The following COPS3 variants were observed in gnomAD, a reference collection of about 807,000 sequenced individuals.
The protein encoded by COPS3 is COP9 signalosome complex subunit 3.
A neutral mutation model predicts 58.2 loss-of-function variants in COPS3; 10 were observed. The ratio of observed to expected loss-of-function variants is 0.17; its 90% confidence interval spans 0.11 to 0.29. COPS3 has a LOEUF of 0.29. Ranked by LOEUF, COPS3 falls within the 10% of genes least tolerant of loss-of-function variation. The probability of loss-of-function intolerance (pLI) is 1.00; values close to 1 mark genes in which losing one functional copy is unlikely to be tolerated. For missense variants in COPS3, 333 were observed against 510.1 expected (o/e 0.65, Z 3.34); for synonymous variants, 187 against 181.7 (o/e 1.03, Z -0.24).
intron 6 of COPS3, among the ~76,000 whole-genome samples, chr17:17,263,600 G>A (rs1276766211): frequency 5.8e-5 from 8 of 138,328 alleles, no homozygotes; most frequent in Non-Finnish European, 1.1e-4. Context: ...TGCAACCTCC[G>A]CCTCTTGGGT....
intron 8 of COPS3, chr17:17,255,188 T>C: frequency 3.7e-6 from 1 of 267,658 alleles, no homozygotes; most frequent in Non-Finnish European, 7.1e-6. Flanking sequence ...TAGTCCCAGC[T>C]ACTTGGGAGG....
chr17:17,269,972 A>G (rs2048309344), intron 4 of COPS3, among the ~76,000 whole-genome samples: 1 of 152,160 alleles, frequency 6.6e-6, no homozygotes, highest in Non-Finnish European at 1.5e-5. Flanking sequence ...GCCTGGCAAC[A>G]TGGTGAAACC....
intron 8 of COPS3, among the ~76,000 whole-genome samples, chr17:17,257,494 G>A (rs1343884765): frequency 1.3e-5 from 2 of 151,886 alleles, no homozygotes; most frequent in Non-Finnish European, 2.9e-5. Context: ...CAGAGAAGAG[G>A]AACCTAGAAA....
chr17:17,267,834 A>G (rs766790275), intron 5 of COPS3, 51 bp downstream of exon 5: 2 of 1,579,734 alleles, frequency 1.3e-6, no homozygotes, highest in Admixed American at 3.5e-5. Context: ...GCAAGCCCAT[A>G]AACAACCTAC....
intron 7 of COPS3, chr17:17,261,485 C>T (rs2048099145): frequency 3.6e-6 from 1 of 277,330 alleles, no homozygotes; most frequent in African/African-American, 2.3e-5. Flanking sequence ...GAGATCACGC[C>T]ACTGCACTCC....
Position 17,260,430 on chromosome 17 carries a change from G to A in COPS3, c.807C>T (p.Thr269=). Residue 269 remains threonine (T), a synonymous_variant, in exon 8 of 12, where the codon ACC becomes ACT. Transcript: ENST00000268717. ...AYHELAQVYS[T]NNPSELRNLV... is the part of the protein sequence containing the mutation. ...GGTTTCGGAGTTCTGAGGGGTTGTTGGTTGAATACACTTGTGCTAACTCGT... is the reference window on the plus strand; with the variant it reads ...GGTTTCGGAGTTCTGAGGGGTTGTTAGTTGAATACACTTGTGCTAACTCGT... 1 of 1,614,124 alleles carries A rather than the reference G, an allele frequency of 6.2e-7. No homozygotes were observed. The highest frequency in any genetic ancestry group is 8.5e-7 in the Non-Finnish European group (1 of 1,180,024).
At chr17:17,255,000 T>A (rs1431601000) in intron 8 of COPS3, 55 bp from the exon 9 acceptor site, 6 of 1,288,504 alleles carry the variant, frequency 4.7e-6, no homozygotes, top group Non-Finnish European at 6.8e-6. Context: ...GAAGGACATT[T>A]TATTAAATGT....
intron 1 of COPS3, chr17:17,280,530 A>C: frequency 3.2e-6 from 4 of 1,244,262 alleles, no homozygotes; most frequent in Non-Finnish European, 4.2e-6. Context: ...ACTGCACTCC[A>C]GCCTCGGCTA....
chr17:17,273,843 C>A (rs1017614808), intron 2 of COPS3, among the ~76,000 whole-genome samples: 1 of 152,110 alleles, frequency 6.6e-6, no homozygotes, highest in African/African-American at 2.4e-5. Flanking sequence ...CAGAACAAGA[C>A]CTTGTCCCCC....
chr17:17,252,070 A>T (rs1421676423), intron 9 of COPS3, among the ~76,000 whole-genome samples: 1 of 149,182 alleles, frequency 6.7e-6, no homozygotes, highest in Non-Finnish European at 1.5e-5. Context: ...CTCCGTCTCA[A>T]AAAAAAAAAG....
chr17:17,253,026 G>A (rs1597661742), intron 9 of COPS3, among the ~76,000 whole-genome samples: 1 of 152,174 alleles, frequency 6.6e-6, no homozygotes, highest in East Asian at 1.9e-4. Context: ...GAAATCTCAA[G>A]TTATGCCTGG....
At chr17:17,280,985 C>T (rs2048572557) in intron 1 of COPS3, 147 bp downstream of exon 1, 4 of 1,006,936 alleles carry the variant, frequency 4.0e-6, no homozygotes, top group South Asian at 3.2e-5. Context: ...CGATCCTGCC[C>T]TGATCTAAAC....
At chr17:17,248,608 C>T (rs2047773589) in intron 10 of COPS3, among the ~76,000 whole-genome samples, 2 of 152,190 alleles carry the variant, frequency 1.3e-5, no homozygotes, top group South Asian at 4.1e-4. Context: ...TGAGCCACCA[C>T]ACCCAGCCTG....
intron 10 of COPS3, among the ~76,000 whole-genome samples, chr17:17,248,222 C>A (rs941227618): frequency 6.6e-6 from 1 of 152,228 alleles, no homozygotes; most frequent in East Asian, 1.9e-4. Context: ...TAAAGTTATA[C>A]TGGGCCCTTT....
rs34177884 is a variant in COPS3 at position 17,259,900 on chromosome 17, G to GAA, written c.936+399_936+400dup. On this transcript the variant is annotated intron_variant, in intron 8 of 11. Coordinates refer to ENST00000268717, the MANE Select transcript of COPS3 (RefSeq NM_003653.4). ...CAGAGCAAGGCACTGTGTCAAGAGAGAAAAAAAAAAAATGTTCTAATAGAG... is the reference window on the plus strand; with the variant it reads ...CAGAGCAAGGCACTGTGTCAAGAGAGAAAAAAAAAAAAAATGTTCTAATAGAG... Among the ~76,000 whole-genome samples the GAA allele has an allele frequency of 5.3e-3, 785 of 147,144 alleles. 9 individuals carry two copies. Among genetic ancestry groups the GAA allele is most frequent in the African/African-American group, 0.018 (709 of 40,028 alleles).
rs755436119 is a variant in COPS3, at chr17:17,247,492, C to T, written c.1206G>A (p.Gln402=). 1 of 1,614,242 alleles carries T rather than the reference C, an allele frequency of 6.2e-7. No homozygotes were observed. Among genetic ancestry groups the T allele is most frequent in the Non-Finnish European group, 8.5e-7 (1 of 1,180,022 alleles). The change falls in exon 11 of 12, where the codon CAG becomes CAA. Residue 402 remains glutamine, a synonymous_variant. Coordinates refer to ENST00000268717, the MANE Select transcript of COPS3 (RefSeq NM_003653.4). Reference sequence around the variant, plus strand: ...GAACCCTCATCACCTTTTGTACAAACTGAGGGTTCACTGTGATCTCCTGGT... The same window carrying T: ...GAACCCTCATCACCTTTTGTACAAATTGAGGGTTCACTGTGATCTCCTGGT... The part of the protein sequence containing the change: ...AMDQEITVNP[Q]FVQKSMGSQE...
At chr17:17,256,417 G>A (rs1411580015) in intron 8 of COPS3, among the ~76,000 whole-genome samples, 2 of 152,056 alleles carry the variant, frequency 1.3e-5, no homozygotes, top group Non-Finnish European at 2.9e-5. Flanking sequence ...ACAAATGGGG[G>A]AGTTAAATAA....
intron 6 of COPS3, among the ~76,000 whole-genome samples, chr17:17,262,833 CA>C (rs1365896094): frequency 6.6e-6 from 1 of 152,112 alleles, no homozygotes; most frequent in African/African-American, 2.4e-5. Flanking sequence ...TGAGCTCAAG[CA>C]ATGCTCCCAC....
intron 7 of COPS3, 104 bp from the exon 8 acceptor site, chr17:17,260,578 C>A (rs2048071699): frequency 1.9e-6 from 2 of 1,055,474 alleles, no homozygotes; most frequent in African/African-American, 3.2e-5. Flanking sequence ...CCGAGGCGGA[C>A]AAATCACCTG....
Sources: gnomAD v4.1 joint callset for allele counts (sites outside exome capture counted in the v4.1 genomes callset) on GRCh38, gnomAD v4.1.1 for gene constraint, MANE v1.5 for transcripts, NCBI Gene and HGNC (gene_info 2026-07-23, HGNC 2026-07-21) for gene names.